SCUBE3: variants seen among roughly 807,000 people sequenced by gnomAD.
The protein encoded by SCUBE3 is signal peptide, CUB and EGF-like domain-containing protein 3.
SCUBE3 carries 33 observed loss-of-function variants against 116.8 expected under a neutral mutation model. The ratio of observed to expected loss-of-function variants is 0.28; its 90% CI spans 0.21 to 0.38. The LOEUF is 0.38. SCUBE3 is among the 10% of genes least tolerant of loss of function. The probability of loss-of-function intolerance (pLI) is 1.00; values close to 1 mark genes in which losing one functional copy is unlikely to be tolerated. For synonymous variants in SCUBE3, 418 were observed against 496.9 expected, an observed-to-expected ratio of 0.84 and a Z score of 2.11; for missense variants, 1,007 against 1,324.8, an observed-to-expected ratio of 0.76 and a Z score of 3.72.
At chr6:35,229,904 T>C (rs937139889) in intron 3 of SCUBE3, among the ~76,000 whole-genome samples, 2 of 152,206 alleles carry the variant, frequency 1.3e-5, no homozygotes, top group Non-Finnish European at 2.9e-5. Context: ...ACAAAAGGAA[T>C]GATGCCCAGA....
At position 35,241,788 on chromosome 6, in the gene SCUBE3, A is replaced by G; in HGVS notation, c.1313-18A>G. On this transcript the variant is annotated intron_variant, in intron 11 of 21. Transcript: ENST00000274938. The surrounding 1 kb of genome is among the most constrained non-coding windows in gnomAD (Gnocchi z 4.1). ...GTTGGGAAGGCAGGTCAGAACTGTG[A>G]CAGGCTCCTTTTCTCAGAGTCTGAG... 1 of 1,600,342 alleles carries G rather than the reference A, an allele frequency of 6.2e-7. No individual in the cohort carries two copies. Among genetic ancestry groups the G allele is most frequent in the Non-Finnish European group, 8.6e-7 (1 of 1,167,608 alleles).
rs202140021 is a variant in SCUBE3, at chr6:35,227,722, T to C, written c.208+20T>C. On this transcript the variant is annotated intron_variant, in intron 2 of 21. Coordinates refer to ENST00000274938, the MANE Select transcript of SCUBE3 (RefSeq NM_152753.4). ...GCAAAGGTGAGGCTGGAAGGGCACC[T>C]GGAGGAGAGGGACCTGTGGAAGAAG... The C allele has an allele frequency of 6.8e-6, 11 of 1,613,568 alleles. No individual in the cohort carries two copies. The highest frequency in any genetic ancestry group is 1.1e-5 in the South Asian group (1 of 91,064).
In SCUBE3 at chr6:35,214,218, C is replaced by A; in HGVS notation, c.-201C>A. On this transcript the variant is annotated 5_prime_UTR_variant, in exon 1 of 22. Coordinates refer to ENST00000274938, the MANE Select transcript of SCUBE3 (RefSeq NM_152753.4). The surrounding 1 kb of genome is among the most constrained non-coding windows in gnomAD (Gnocchi z 6.3). ...GCACTCTCCGCCTCGCTCTCCCCGA[C>A]GTCCGGCCAGGAGGAGCCGGTAGCA... Among the ~76,000 whole-genome samples the A allele has an allele frequency of 6.6e-6, 1 of 152,158 alleles. No individual in the cohort carries two copies. The highest frequency in any genetic ancestry group is 1.9e-4 in the East Asian group (1 of 5,162).
rs769076776 is a variant in SCUBE3 at position 35,243,581 on chromosome 6, G to A, written c.1910-13G>A. On this transcript the variant is annotated splice_polypyrimidine_tract_variant and intron_variant, in intron 15 of 21. Transcript: ENST00000274938. This position sits in a 1 kb window ranked among gnomAD's most constrained non-coding sequence, Gnocchi z 6.6. ...GCGGGGGTGGGTGGCTAGCGCGGCC[G>A]ACTCTCCCTCAGTCAGCTGCCCGCA... 1.4e-5 allele frequency: 22 copies of A among 1,592,266 alleles called. No individual in the cohort carries two copies. The highest frequency in any genetic ancestry group is 4.0e-5 in the African/African-American group (3 of 74,438).
chr6:35,216,387 T>C (rs1345971591), intron 1 of SCUBE3, among the ~76,000 whole-genome samples: 2 of 152,216 alleles, frequency 1.3e-5, no homozygotes, highest in Non-Finnish European at 2.9e-5. Flanking sequence ...AGGCCACCCT[T>C]CCTGTGACTG....
At chr6:35,222,887 A>G (rs1438609156) in intron 1 of SCUBE3, 1 of 152,200 alleles carries the variant, frequency 6.6e-6, no homozygotes, top group African/African-American at 2.4e-5. Context: ...GAGAGAAGGA[A>G]TAATAGTAGC....
In SCUBE3 at chr6:35,241,386, A is replaced by G. The variant is rs1784039182; in HGVS notation, c.1195+120A>G. ...GTGAGGTGGAAAGGGTGGAGAATGT[A>G]GCCATTTTGAGTTAAAGACATGAAA... On this transcript the variant is annotated intron_variant, in intron 10 of 21. Coordinates refer to ENST00000274938, the MANE Select transcript of SCUBE3 (RefSeq NM_152753.4). This position sits in a 1 kb window ranked among gnomAD's most constrained non-coding sequence, Gnocchi z 4.1. 2.4e-6 allele frequency: 3 copies of G among 1,246,614 alleles called. No individual in the cohort carries two copies. The highest frequency in any genetic ancestry group is 3.4e-6 in the Non-Finnish European group (3 of 869,780). 77.2% of individuals were successfully genotyped at this position (1,246,614 alleles called of 1,614,324 possible).
rs1344227205 is a variant in SCUBE3, at chr6:35,250,876, G to C, written c.*2171G>C. 2 of 152,144 alleles carry C rather than the reference G, an allele frequency of 1.3e-5. No individual in the cohort carries two copies. The highest frequency in any genetic ancestry group is 2.9e-5 in the Non-Finnish European group (2 of 68,064). 9.4% of individuals were successfully genotyped at this position (152,144 alleles called of 1,614,324 possible). A position where few individuals can be genotyped will look rare whatever the true frequency, so the allele number is the denominator to read the frequency against. On this transcript the variant is annotated 3_prime_UTR_variant, in exon 22 of 22. Transcript: ENST00000274938. ...TCAGTAGCATTCATCAGCCAAAACG[G>C]CCATAGCAGTAGGTAGCCAATGACA...
chr6:35,222,807 C>T (rs891239051), intron 1 of SCUBE3: 1 of 152,214 alleles, frequency 6.6e-6, no homozygotes, highest in Non-Finnish European at 1.5e-5. Context: ...TGCTGCATTT[C>T]CCCACACCAG....
At position 35,228,744 on chromosome 6, in the gene SCUBE3, G is replaced by A; in HGVS notation, c.334+5G>A. ...ATGACGGACACAACTGTCTGGGTAAGCAAAGGAGAGGGGATTTGGTGGAGG... is the reference window on the plus strand; with the variant it reads ...ATGACGGACACAACTGTCTGGGTAAACAAAGGAGAGGGGATTTGGTGGAGG... On this transcript the variant is annotated splice_donor_5th_base_variant and intron_variant, in intron 3 of 21. Coordinates refer to ENST00000274938, the MANE Select transcript of SCUBE3 (RefSeq NM_152753.4). This position sits in a 1 kb window ranked among gnomAD's most constrained non-coding sequence, Gnocchi z 4.9. The A allele has an allele frequency of 1.2e-6, 2 of 1,613,990 alleles. No homozygotes were observed. Among genetic ancestry groups the A allele is most frequent in the East Asian group, 2.2e-5 (1 of 44,880 alleles).
rs1345932434 is a variant in SCUBE3, at chr6:35,248,511, AC to A, written c.2833-40del. On this transcript the variant is annotated intron_variant, in intron 21 of 21. Transcript: ENST00000274938. ...CTGAGTCATGGTGTTTCTCTTTCCC[AC>A]CCCCGACGGTGAGGCTGACATTGCT... The A allele has an allele frequency of 1.9e-6, 3 of 1,602,828 alleles. No individual in the cohort carries two copies. In the Admixed American group the frequency reaches 5.0e-5, roughly 27 times the overall value.
intron 13 of SCUBE3, 101 bp downstream of exon 13, chr6:35,242,421 T>A: frequency 1.0e-6 from 1 of 989,606 alleles, no homozygotes; most frequent in Non-Finnish European, 1.6e-6. Flanking sequence ...CCCTGAACTC[T>A]AGGCAGAGCA....
rs541456314 is a variant in SCUBE3 at position 35,232,089 on chromosome 6, A to G, written c.469+230A>G. Among the ~76,000 whole-genome samples the G allele has an allele frequency of 6.6e-6, 1 of 152,344 alleles. No homozygotes were observed. The highest frequency in any genetic ancestry group is 1.9e-4 in the East Asian group (1 of 5,192). ...GGATCAATATGGGATTAAGGCTACT[A>G]TGGAGTATCCTCTGTGTCCAGACCT... On this transcript the variant is annotated intron_variant, in intron 4 of 21. Transcript: ENST00000274938. The surrounding 1 kb of genome is among the most constrained non-coding windows in gnomAD (Gnocchi z 4.2).
In SCUBE3 at chr6:35,243,760, CA is replaced by C. The variant is rs138648281; in HGVS notation, c.2071+6del. The stretch of plus-strand genomic sequence containing the variant: ...CCAACGTCACCACGTGTGCAGGTGC[CA>C]GGGGAACAAACAATACAGAGTGGGG... On this transcript the variant is annotated splice_donor_region_variant and intron_variant, in intron 16 of 21. Transcript: ENST00000274938. This position sits in a 1 kb window ranked among gnomAD's most constrained non-coding sequence, Gnocchi z 6.6. The C allele has an allele frequency of 2.6e-4, 412 of 1,613,548 alleles. 3 individuals carry two copies. The African/African-American group carries it at 3.0e-3, about 12-fold the overall frequency.
intron 21 of SCUBE3, 122 bp downstream of exon 21, chr6:35,246,407 G>C: frequency 1.4e-6 from 1 of 731,174 alleles, no homozygotes; most frequent in Non-Finnish European, 2.3e-6. Context: ...CTATGAGGTA[G>C]GTGCTTTCTC....
chr6:35,243,194 G>C lies in SCUBE3; in HGVS notation c.1867G>C (p.Glu623Gln). ...LVAGERAEPM[E>Q]SCRPGQHRAG... ...AGCCGGGGAGCGAGCAGAGCCGATGGAGTCCTGTAGGCCCGGGCAGCACCG... is the reference window on the plus strand; with the variant it reads ...AGCCGGGGAGCGAGCAGAGCCGATGCAGTCCTGTAGGCCCGGGCAGCACCG... The change falls in exon 15 of 22, where the codon GAG becomes CAG. Residue 623 changes from glutamate (E) to glutamine (Q), a missense_variant. Glu to Gln is a conservative substitution (Grantham distance 29). This residue lies in a region of SCUBE3 where 544 missense variants were observed against 638.9 expected (regional missense o/e 0.85). Transcript: ENST00000274938. The surrounding 1 kb of genome is among the most constrained non-coding windows in gnomAD (Gnocchi z 6.6). The C allele has an allele frequency of 6.2e-7, 1 of 1,614,212 alleles. No homozygotes were observed. The highest frequency in any genetic ancestry group is 8.5e-7 in the Non-Finnish European group (1 of 1,180,044).
At position 35,243,708 on chromosome 6, in the gene SCUBE3, G is replaced by T. The variant is rs566534800; in HGVS notation, c.2024G>T (p.Ser675Ile). Residue 675 changes from serine (S) to isoleucine (I), a missense_variant, in exon 16 of 22, where the codon AGT becomes ATT. By Grantham distance (142) the Ser-to-Ile change is moderately radical. Around this residue, in one of 5 missense-constraint regions of SCUBE3, gnomAD observed 544 missense variants for 638.9 expected, o/e 0.85. Transcript: ENST00000274938. This position sits in a 1 kb window ranked among gnomAD's most constrained non-coding sequence, Gnocchi z 6.6. The part of the protein sequence containing the change: ...GQLSCDLCPG[S>I]DAHGPLGATN... Reference sequence around the variant, plus strand: ...CTCTCCTGCGACCTTTGCCCTGGGAGTGATGCCCACGGGCCTCTTGGAGCC... The same window carrying T: ...CTCTCCTGCGACCTTTGCCCTGGGATTGATGCCCACGGGCCTCTTGGAGCC... 48 of 1,614,190 alleles carry T rather than the reference G, an allele frequency of 3.0e-5. No individual in the cohort carries two copies. The African/African-American group carries it at 5.5e-4, about 18-fold the overall frequency.
Position 35,242,314 on chromosome 6 carries a change from G to A in SCUBE3, c.1528G>A (p.Gly510Arg). 1.2e-6 allele frequency: 2 copies of A among 1,610,486 alleles called. No individual in the cohort carries two copies. Among genetic ancestry groups the A allele is most frequent in the Non-Finnish European group, 1.7e-6 (2 of 1,176,746 alleles). The change falls in exon 13 of 22, where the codon GGG becomes AGG. Residue 510 changes from glycine to arginine, a missense_variant. By Grantham distance (125) the Gly-to-Arg change is moderately radical. Coordinates refer to ENST00000274938, the MANE Select transcript of SCUBE3 (RefSeq NM_152753.4). ...AACAGAGGAGGCTGGCAGAATCACA[G>A]GGCCAGGTTTGGACTGGGGACCCCA... ...GKTEEAGRIT[G>R]PGGAPCSECQ...
At chr6:35,248,421 G>A in intron 21 of SCUBE3, 135 bp from the exon 22 acceptor site, 1 of 782,036 alleles carries the variant, frequency 1.3e-6, no homozygotes, top group Non-Finnish European at 2.1e-6. Flanking sequence ...GGTGGGAATG[G>A]GAATCCAGAG....
Sources: allele counts gnomAD v4.1 joint callset (sites outside exome capture counted in the v4.1 genomes callset), GRCh38; gene constraint gnomAD v4.1.1; regional missense constraint gnomAD v4.1.1; non-coding constraint Gnocchi (gnomAD v3.1); transcripts MANE v1.5; gene names NCBI Gene and HGNC (gene_info 2026-07-23, HGNC 2026-07-21).